The following CARMIL1 variants were observed in gnomAD, a reference collection of about 807,000 sequenced individuals.
The protein encoded by CARMIL1 is capping protein regulator and myosin 1 linker 1.
A neutral mutation model predicts 177.1 loss-of-function variants in CARMIL1; 90 were observed. The ratio of observed to expected loss-of-function variants is 0.51; its 90% CI spans 0.43 to 0.61. CARMIL1 has a LOEUF of 0.61. Ranked by LOEUF, CARMIL1 falls within the 20% of genes least tolerant of loss-of-function variation. The pLI is 0.00. For synonymous variants in CARMIL1, 577 were observed against 606.2 expected (o/e 0.95, Z 0.71); for missense variants, 1,380 against 1,667.0 (o/e 0.83, Z 3.00).
chr6:25,323,814 T>C (rs1321795486), intron 2 of CARMIL1, among the ~76,000 whole-genome samples: 1 of 152,224 alleles, frequency 6.6e-6, no homozygotes, highest in Non-Finnish European at 1.5e-5. Context: ...CACAGTTTGC[T>C]CATTTGTTTT....
intron 35 of CARMIL1, among the ~76,000 whole-genome samples, chr6:25,608,738 A>T (rs1359348988): frequency 6.6e-6 from 1 of 152,184 alleles, no homozygotes; most frequent in African/African-American, 2.4e-5. Flanking sequence ...CACATGTCTT[A>T]TCACATCCCT....
chr6:25,464,486 C>T (rs540636574), intron 8 of CARMIL1, among the ~76,000 whole-genome samples: 16 of 152,228 alleles, frequency 1.1e-4, no homozygotes, highest in African/African-American at 3.9e-4. Flanking sequence ...AGCACAGGGC[C>T]GGGCCACCCA....
intron 2 of CARMIL1, among the ~76,000 whole-genome samples, chr6:25,335,920 C>G (rs1210299126): frequency 6.6e-6 from 1 of 150,456 alleles, no homozygotes; most frequent in Non-Finnish European, 1.5e-5. Flanking sequence ...AAGTTAATCA[C>G]TCCTGGTGGG....
Position 25,407,449 on chromosome 6 carries a change from G to A in CARMIL1, c.139-12665G>A, listed in dbSNP as rs138340182. 3.0e-3 allele frequency among the ~76,000 whole-genome samples: 460 copies of A among 152,096 alleles called. 1 individual carries two copies. The Middle Eastern group carries it at 0.048, about 16-fold the overall frequency. ...GAAGGAGAGGAAGAGGAGGGGGTGGGTACAGCTGCAGATGCAGGCAGGTGT... is the reference window on the plus strand; with the variant it reads ...GAAGGAGAGGAAGAGGAGGGGGTGGATACAGCTGCAGATGCAGGCAGGTGT... On this transcript the variant is annotated intron_variant, in intron 2 of 36. Transcript: ENST00000329474.
In CARMIL1 at chr6:25,459,161, T is replaced by A. The variant is rs117793706; in HGVS notation, c.615-6712T>A. ...GATTCTTTAGAGTTTTAAGGGAAGG[T>A]TTCGATTATTCTGAAGTGTCAACTG... On this transcript the variant is annotated intron_variant, in intron 8 of 36. Coordinates refer to ENST00000329474, the MANE Select transcript of CARMIL1 (RefSeq NM_017640.6). Among the ~76,000 whole-genome samples the A allele has an allele frequency of 1.1e-3, 162 of 151,490 alleles. 3 individuals are homozygous for A. The Middle Eastern group carries it at 0.017, about 16-fold the overall frequency.
At chr6:25,561,660 G>C (rs3804128) in intron 29 of CARMIL1, among the ~76,000 whole-genome samples, 7,294 of 152,204 alleles carry the variant, frequency 0.048, 245 homozygotes, top group South Asian at 0.1. Context: ...CTATTTTTGA[G>C]AAGAAATTTA....
At chr6:25,450,573 T>C in intron 7 of CARMIL1, 65 bp from the exon 8 acceptor site, 2 of 1,095,680 alleles carry the variant, frequency 1.8e-6, no homozygotes, top group Non-Finnish European at 2.8e-6. Context: ...TAATTCTCAC[T>C]GTCTCTCTTG....
intron 11 of CARMIL1, among the ~76,000 whole-genome samples, chr6:25,473,099 C>G (rs1801226212): frequency 6.6e-6 from 1 of 152,186 alleles, no homozygotes; most frequent in Admixed American, 6.5e-5. Flanking sequence ...ATGTGACCCC[C>G]CTATCTCACA....
intron 2 of CARMIL1, among the ~76,000 whole-genome samples, chr6:25,289,394 C>G (rs12215281): frequency 0.016 from 2,481 of 152,160 alleles, 33 homozygotes; most frequent in South Asian, 0.037. Context: ...TAAAATTAAA[C>G]TTTTTCATTT....
At chr6:25,507,962 T>C (rs1805086585) in intron 17 of CARMIL1, among the ~76,000 whole-genome samples, 1 of 152,172 alleles carries the variant, frequency 6.6e-6, no homozygotes, top group Admixed American at 6.5e-5. Context: ...CATAAACCAA[T>C]ACATTTATAA....
rs528865175 is a variant in CARMIL1, at chr6:25,538,904, C to T, written c.2196+921C>T. Reference sequence around the variant, plus strand: ...ACCAGTGGCCACTGATTTAATCAGTCGTGTCTATGTAATGGGTCCTCCATA... The same window carrying T: ...ACCAGTGGCCACTGATTTAATCAGTTGTGTCTATGTAATGGGTCCTCCATA... On this transcript the variant is annotated intron_variant, in intron 25 of 36. Coordinates refer to ENST00000329474, the MANE Select transcript of CARMIL1 (RefSeq NM_017640.6). Among the ~76,000 whole-genome samples the T allele has an allele frequency of 2.6e-5, 4 of 152,096 alleles. No homozygotes were observed. In the East Asian group the frequency reaches 7.8e-4, roughly 30 times the overall value.
intron 2 of CARMIL1, among the ~76,000 whole-genome samples, chr6:25,316,154 A>G (rs1765797180): frequency 6.6e-6 from 1 of 152,090 alleles, no homozygotes; most frequent in South Asian, 2.1e-4. Context: ...TCTAATGACC[A>G]GGAAGACAGA....
At chr6:25,563,379 T>A (rs1256163588) in intron 29 of CARMIL1, 16 of 985,188 alleles carry the variant, frequency 1.6e-5, no homozygotes, top group Non-Finnish European at 1.9e-5. Context: ...GAGAAAACAA[T>A]GTTTTTAAAT....
chr6:25,600,387 C>T lies in CARMIL1; in HGVS notation c.3193C>T (p.Arg1065Trp), dbSNP rs753444416. 5.4e-5 allele frequency: 87 copies of T among 1,613,824 alleles called. No homozygotes were observed. The highest frequency in any genetic ancestry group is 1.6e-4 in the Middle Eastern group (1 of 6,084). ...GGDEKKKRDS[R>W]KSSGFLNLIK... ...AGATGAAAAGAAAAAGCGAGATTCT[C>T]GGAAAAGTAGTGGCTTTCTCAATTT... Residue 1065 changes from arginine (R) to tryptophan (W), a missense_variant, in exon 33 of 37, where the codon CGG (arginine) becomes TGG (tryptophan). Coordinates refer to ENST00000329474, the MANE Select transcript of CARMIL1 (RefSeq NM_017640.6).
At chr6:25,425,986 AAAG>A (rs1194937687) in intron 3 of CARMIL1, among the ~76,000 whole-genome samples, 1 of 152,174 alleles carries the variant, frequency 6.6e-6, no homozygotes, top group African/African-American at 2.4e-5. Flanking sequence ...GAAGGTTTAG[AAAG>A]AAGGGAAAAA....
chr6:25,540,106 G>A, intron 26 of CARMIL1, 28 bp downstream of exon 26: 16 of 1,563,492 alleles, frequency 1.0e-5, no homozygotes, highest in Non-Finnish European at 1.4e-5. Flanking sequence ...TTTGGGAAAT[G>A]AAATTGTTAA....
intron 10 of CARMIL1, among the ~76,000 whole-genome samples, chr6:25,471,500 A>C (rs1386944246): frequency 1.3e-5 from 2 of 152,186 alleles, no homozygotes; most frequent in Admixed American, 1.3e-4. Flanking sequence ...TTTTAAGAGC[A>C]TGGATCCTTG....
rs150442692 is a variant in CARMIL1, at chr6:25,586,940, C to T, written c.3006+5501C>T. Among the ~76,000 whole-genome samples, 471 of 147,270 alleles carry T rather than the reference C, an allele frequency of 3.2e-3. 3 individuals carry two copies. Among genetic ancestry groups the T allele is most frequent in the African/African-American group, 0.01 (407 of 39,216 alleles). On this transcript the variant is annotated intron_variant, in intron 31 of 36. Transcript: ENST00000329474. ...CCTCGGCTCGGCATCAGATAGAGAC[C>T]GTGGAGAGAGAGGAAGAGGGAGAGA...
intron 36 of CARMIL1, among the ~76,000 whole-genome samples, chr6:25,616,019 G>A (rs1659753384): frequency 6.6e-6 from 1 of 152,212 alleles, no homozygotes; most frequent in Admixed American, 6.5e-5. Flanking sequence ...TATACATGGA[G>A]TGTTTGTTTT....
Sources: gnomAD v4.1 joint callset for allele counts (sites outside exome capture counted in the v4.1 genomes callset) on GRCh38, gnomAD v4.1.1 for gene constraint, MANE v1.5 for transcripts, NCBI Gene and HGNC (gene_info 2026-07-23, HGNC 2026-07-21) for gene names.